Variants in WDR35 observed in about 807,000 individuals in gnomAD.
WDR35 encodes WD repeat domain 35, also known as WD repeat-containing protein 35.
WDR35 carries 118 observed loss-of-function variants against 158.3 expected under a neutral mutation model. The observed-to-expected ratio is 0.75, with a 90% confidence interval of 0.64 to 0.87. WDR35 has a LOEUF of 0.87. Among genes scored for constraint, WDR35 ranks in the 40% least tolerant of loss-of-function variants. The pLI is 0.00. For synonymous variants in WDR35, 448 were observed against 476.1 expected (o/e 0.94, Z 0.77); for missense variants, 1,263 against 1,405.8 (o/e 0.90, Z 1.62).
chr2:19,966,648 C>T (rs923249183), intron 10 of WDR35, 76 bp downstream of exon 10: 8 of 1,526,330 alleles, frequency 5.2e-6, no homozygotes, highest in Middle Eastern at 4.7e-4. Flanking sequence ...AGTGTAGAGG[C>T]CATGCTTGAA....
chr2:19,973,746 A>G (rs750806471), intron 7 of WDR35, 38 bp from the exon 8 acceptor site: 1 of 1,592,622 alleles, frequency 6.3e-7, no homozygotes, highest in Non-Finnish European at 8.6e-7. Flanking sequence ...CTGTGGGAAA[A>G]TACGTAGCCT....
At chr2:19,983,745 G>C (rs1418390991) in intron 2 of WDR35, among the ~76,000 whole-genome samples, 1 of 151,946 alleles carries the variant, frequency 6.6e-6, no homozygotes, top group Admixed American at 6.6e-5. Flanking sequence ...TAAATCACTA[G>C]TTCTAATTAC....
Position 19,951,284 on chromosome 2 carries a change from A to T in WDR35, c.1470+131T>A, listed in dbSNP as rs192330354. Reference sequence around the variant, plus strand: ...TCTAGGAAAAAGTTTACAGAAGAGGATTTTTTTAAAGAATTGCTAAAATAA... The same window carrying T: ...TCTAGGAAAAAGTTTACAGAAGAGGTTTTTTTTAAAGAATTGCTAAAATAA... On this transcript the variant is annotated intron_variant, in intron 13 of 26. Coordinates refer to ENST00000281405, the MANE Select transcript of WDR35 (RefSeq NM_020779.4). 1,126 of 837,172 alleles carry T rather than the reference A, an allele frequency of 1.3e-3. 24 individuals are homozygous for T. The Admixed American group carries it at 0.03, about 22-fold the overall frequency. The allele number at this position is 837,172 out of a possible 1,614,324, so 51.9% of individuals were successfully genotyped here.
intron 8 of WDR35, among the ~76,000 whole-genome samples, chr2:19,971,923 T>C (rs1408581601): frequency 6.6e-6 from 1 of 152,198 alleles, no homozygotes; most frequent in Non-Finnish European, 1.5e-5. Flanking sequence ...ATGACGTATT[T>C]CCTTTATTTC....
chr2:19,981,920 A>G (rs1672394051), intron 3 of WDR35, among the ~76,000 whole-genome samples: 1 of 152,120 alleles, frequency 6.6e-6, no homozygotes, highest in Non-Finnish European at 1.5e-5. Flanking sequence ...AAAAACAGCT[A>G]TTTTCTTCTA....
Position 19,966,838 on chromosome 2 carries a change from G to A in WDR35, c.1080C>T (p.Phe360=). The change falls in exon 10 of 27, where the codon TTC becomes TTT. Residue 360 remains phenylalanine, a synonymous_variant. Coordinates refer to ENST00000281405, the MANE Select transcript of WDR35 (RefSeq NM_020779.4). ...RPDRPEYCVV[F]WDTKNNEKYV... The stretch of plus-strand genomic sequence containing the variant: ...ATTTTTCATTGTTTTTCGTATCCCA[G>A]AAGACAACACAATATTCTGGACGAT... The A allele has an allele frequency of 6.2e-7, 1 of 1,613,870 alleles. No homozygotes were observed. Among genetic ancestry groups the A allele is most frequent in the African/African-American group, 1.3e-5 (1 of 74,978 alleles).
Position 19,936,241 on chromosome 2 carries a change from A to G in WDR35, c.2392T>C (p.Tyr798His). ...LEQANNAIGD[Y>H]FADRQKWLNA... ...TACCACTTTTGTCGATCAGCAAAGT[A>G]GTCTCCAATGGCATTGTTGGCTTGT... Residue 798 changes from tyrosine (Y) to histidine (H), a missense_variant, in exon 20 of 27, where the codon TAC (tyrosine) becomes CAC (histidine). Physicochemically the swap from Tyr to His is moderately conservative, Grantham distance 83. Coordinates refer to ENST00000281405, the MANE Select transcript of WDR35 (RefSeq NM_020779.4). 2 of 1,614,012 alleles carry G rather than the reference A, an allele frequency of 1.2e-6. No individual in the cohort carries two copies. The highest frequency in any genetic ancestry group is 1.7e-6 in the Non-Finnish European group (2 of 1,179,920).
intron 26 of WDR35, 46 bp from the exon 27 acceptor site, chr2:19,913,754 T>A: frequency 1.9e-6 from 3 of 1,612,072 alleles, no homozygotes; most frequent in Non-Finnish European, 2.5e-6. Context: ...AAACTTCTCA[T>A]TAGTCTAACT....
chr2:19,955,354 T>C (rs1253751511), intron 11 of WDR35, among the ~76,000 whole-genome samples: 1 of 152,244 alleles, frequency 6.6e-6, no homozygotes, highest in East Asian at 1.9e-4. Flanking sequence ...CTAATATGTA[T>C]TGGAAATATA....
At chr2:19,989,745 CCAAAAGGA>C (rs1672690001) in intron 1 of WDR35, among the ~76,000 whole-genome samples, 1 of 152,148 alleles carries the variant, frequency 6.6e-6, no homozygotes, top group African/African-American at 2.4e-5. Flanking sequence ...CTCAAGCCAC[CCAAAAGGA>C]CCTAGCCAGG....
rs886044119 is a variant in WDR35, at chr2:19,951,416, TG to T, written c.1468del (p.Gln490LysfsTer10). 16 of 1,607,902 alleles carry T rather than the reference TG, an allele frequency of 1.0e-5. No individual in the cohort carries two copies. Among genetic ancestry groups the T allele is most frequent in the Non-Finnish European group, 1.4e-5 (16 of 1,176,326 alleles). On this transcript the variant is annotated frameshift_variant and splice_region_variant, in exon 13 of 27. Transcript: ENST00000281405. LOFTEE classifies it high-confidence loss of function. ...TCTGGAAAAATTAAAATCACCTACT[TG>T]AATGGTTTTACTATAATCAAGCACA... The part of the protein sequence containing the change: ...DGVLDYSKTI[Q>X]GTRDPICAIT...
chr2:19,915,277 G>A (rs1392712781), intron 25 of WDR35, among the ~76,000 whole-genome samples: 1 of 151,760 alleles, frequency 6.6e-6, no homozygotes, highest in East Asian at 1.9e-4. Flanking sequence ...CTGGTTCTGG[G>A]GTCAAGTATT....
In WDR35 at chr2:19,929,716, T is replaced by C. The variant is rs536494596; in HGVS notation, c.3121+680A>G. 5.4e-4 allele frequency among the ~76,000 whole-genome samples: 83 copies of C among 152,312 alleles called. No individual in the cohort carries two copies. In the South Asian group the frequency reaches 0.016, roughly 29 times the overall value. Reference sequence around the variant, plus strand: ...TAAGAATGAGGAAAGAACTATAATATACTGCTGAGGGAAAAAACCATGCTC... The same window carrying C: ...TAAGAATGAGGAAAGAACTATAATACACTGCTGAGGGAAAAAACCATGCTC... On this transcript the variant is annotated intron_variant, in intron 25 of 26. Transcript: ENST00000281405.
intron 5 of WDR35, 97 bp from the exon 6 acceptor site, chr2:19,975,760 C>A: frequency 1.3e-6 from 2 of 1,496,704 alleles, no homozygotes; most frequent in Non-Finnish European, 1.8e-6. Context: ...AAATTCTTCA[C>A]AGCATTCATG....
At chr2:19,981,019 A>C (rs952340316) in intron 3 of WDR35, among the ~76,000 whole-genome samples, 2 of 152,214 alleles carry the variant, frequency 1.3e-5, no homozygotes, top group Non-Finnish European at 2.9e-5. Context: ...TAAAGACACC[A>C]ATCATGGCTA....
At position 19,960,503 on chromosome 2, in the gene WDR35, G is replaced by A. The variant is rs776310407; in HGVS notation, c.1255+51C>T. On this transcript the variant is annotated intron_variant, in intron 11 of 26. Transcript: ENST00000281405. ...ACCAGTGTTAGGTTTTTAAATTAGT[G>A]TTACAAATAAAACCTGATTGGAAAA... 3 of 1,450,032 alleles carry A rather than the reference G, an allele frequency of 2.1e-6. No individual in the cohort carries two copies. In the South Asian group the frequency reaches 3.5e-5, roughly 17 times the overall value. The allele number at this position is 1,450,032 out of a possible 1,614,324, so 89.8% of individuals were successfully genotyped here.
At position 19,975,521 on chromosome 2, in the gene WDR35, C is replaced by G. The variant is rs1672177061; in HGVS notation, c.570+9G>C. 6.2e-7 allele frequency: 1 copy of G among 1,610,462 alleles called. No individual in the cohort carries two copies. The highest frequency in any genetic ancestry group is 1.3e-5 in the African/African-American group (1 of 74,866). On this transcript the variant is annotated intron_variant, in intron 6 of 26. Transcript: ENST00000281405. ...TGTATAAACAAGACTGATGCATACA[C>G]TTACTTACCATAAAATTTCCTTGAT...
chr2:19,936,426 G>T, intron 19 of WDR35, 61 bp from the exon 20 acceptor site: 1 of 1,609,984 alleles, frequency 6.2e-7, no homozygotes, highest in Non-Finnish European at 8.5e-7. Context: ...CCAAGAGCCT[G>T]CTGTGTGTTA....
chr2:19,948,742 CTATAGAGAT>C (rs1271438510), intron 13 of WDR35, among the ~76,000 whole-genome samples: 1 of 152,008 alleles, frequency 6.6e-6, no homozygotes, highest in African/African-American at 2.4e-5. Context: ...AGTAACAAAA[CTATAGAGAT>C]GGAGAACATA....
Sources: gnomAD v4.1 joint callset for allele counts (sites outside exome capture counted in the v4.1 genomes callset) on GRCh38, gnomAD v4.1.1 for gene constraint, MANE v1.5 for transcripts, NCBI Gene and HGNC (gene_info 2026-07-23, HGNC 2026-07-21) for gene names.